Variants in CALU observed in about 807,000 individuals in gnomAD.
CALU encodes the protein calumenin.
A neutral mutation model predicts 37.5 loss-of-function variants in CALU; 13 were observed. The observed-to-expected ratio is 0.35, with a 90% confidence interval of 0.23 to 0.55. CALU has a LOEUF of 0.55. Among genes scored for constraint, CALU ranks in the 20% least tolerant of loss-of-function variants. The pLI is 0.89. For synonymous variants in CALU, 114 were observed against 133.8 expected (o/e 0.85, Z 1.02); for missense variants, 282 against 391.7 (o/e 0.72, Z 2.36).
intron 1 of CALU, chr7:128,747,968 A>C (rs1382437519): frequency 5.6e-6 from 1 of 177,450 alleles, no homozygotes; most frequent in Non-Finnish European, 1.2e-5. Context: ...TTTGAAGGTG[A>C]CTCAAGGTTG....
intron 5 of CALU, chr7:128,761,408 G>A (rs1394905730): frequency 6.6e-6 from 1 of 152,176 alleles, no homozygotes; most frequent in Non-Finnish European, 1.5e-5. Context: ...CAAGAGTCTG[G>A]ACTATAGTCA....
At chr7:128,768,415 A>G (rs1801413212) in intron 6 of CALU, among the ~76,000 whole-genome samples, 1 of 152,204 alleles carries the variant, frequency 6.6e-6, no homozygotes, top group South Asian at 2.1e-4. Context: ...AGTCATCCCT[A>G]TCTAGGAGAT....
chr7:128,753,688 AAAT>A (rs1369422442), intron 2 of CALU, among the ~76,000 whole-genome samples: 2 of 152,216 alleles, frequency 1.3e-5, no homozygotes, highest in Admixed American at 6.5e-5. Flanking sequence ...TGTTTTTTAA[AAAT>A]AATCTTGCCT....
At position 128,772,211 on chromosome 7, in the gene CALU, A is replaced by G. The variant is rs1362207663; in HGVS notation, c.*3044A>G. Among the ~76,000 whole-genome samples the G allele has an allele frequency of 6.6e-6, 1 of 151,956 alleles. No individual in the cohort carries two copies. Among genetic ancestry groups the G allele is most frequent in the Non-Finnish European group, 1.5e-5 (1 of 68,014 alleles). On this transcript the variant is annotated 3_prime_UTR_variant, in exon 7 of 7. Coordinates refer to ENST00000249364, the MANE Select transcript of CALU (RefSeq NM_001219.5). ...AAAGTTACTAAAAAGGAAAGTATCC[A>G]TACACTGAAAACTTAAAGCATATTC...
At position 128,773,273 on chromosome 7, in the gene CALU, T is replaced by G. The variant is rs566770860; in HGVS notation, c.*4106T>G. ...TGAAAATTGAGAGGAATCTGAGTTTTTATTTTTATTTTTTTAATTTTATTT... is the reference window on the plus strand; with the variant it reads ...TGAAAATTGAGAGGAATCTGAGTTTGTATTTTTATTTTTTTAATTTTATTT... On this transcript the variant is annotated 3_prime_UTR_variant, in exon 7 of 7. Transcript: ENST00000249364. Among the ~76,000 whole-genome samples, 2 of 152,354 alleles carry G rather than the reference T, an allele frequency of 1.3e-5. No homozygotes were observed. Among genetic ancestry groups the G allele is most frequent in the African/African-American group, 4.8e-5 (2 of 41,582 alleles).
At position 128,771,076 on chromosome 7, in the gene CALU, TAAG is replaced by T. The variant is rs1399504412; in HGVS notation, c.*1914_*1916del. 2 of 152,606 alleles carry T rather than the reference TAAG, an allele frequency of 1.3e-5. No homozygotes were observed. Among genetic ancestry groups the T allele is most frequent in the African/African-American group, 2.4e-5 (1 of 41,450 alleles). The allele number at this position is 152,606 out of a possible 1,614,324, so 9.5% of individuals were successfully genotyped here. The stretch of plus-strand genomic sequence containing the variant: ...CCTCTGGGTTCCCCATTTTTACTAT[TAAG>T]AAGACCAGTGATAATTTAATAATGC... On this transcript the variant is annotated 3_prime_UTR_variant, in exon 7 of 7. Transcript: ENST00000249364.
chr7:128,744,156 A>G (rs991289583), intron 1 of CALU, among the ~76,000 whole-genome samples: 21 of 152,198 alleles, frequency 1.4e-4, no homozygotes, highest in Admixed American at 1.1e-3. Flanking sequence ...CAGTGAGCCA[A>G]GATCACACCA....
intron 2 of CALU, among the ~76,000 whole-genome samples, chr7:128,749,161 C>G (rs1040160977): frequency 4.6e-5 from 7 of 152,220 alleles, no homozygotes; most frequent in Non-Finnish European, 1.0e-4. Context: ...TATCTGTGCC[C>G]TACTGACCTG....
rs1801578067 is a variant in CALU at position 128,771,866 on chromosome 7, A to C, written c.*2699A>C. On this transcript the variant is annotated 3_prime_UTR_variant, in exon 7 of 7. Coordinates refer to ENST00000249364, the MANE Select transcript of CALU (RefSeq NM_001219.5). ...ATGCAAATTCATTTTGAGAACCTCGAGAGAATTAAACTATTAACTTTAGTA... is the reference window on the plus strand; with the variant it reads ...ATGCAAATTCATTTTGAGAACCTCGCGAGAATTAAACTATTAACTTTAGTA... 6.6e-6 allele frequency: 1 copy of C among 152,408 alleles called. No individual in the cohort carries two copies. Among genetic ancestry groups the C allele is most frequent in the South Asian group, 2.1e-4 (1 of 4,840 alleles). 9.4% of individuals were successfully genotyped at this position (152,408 alleles called of 1,614,324 possible). A position where few individuals can be genotyped will look rare whatever the true frequency, so the allele number is the denominator to read the frequency against.
chr7:128,758,943 C>T lies in CALU; in HGVS notation c.488C>T (p.Ala163Val). 6.2e-7 allele frequency: 1 copy of T among 1,613,196 alleles called. No individual in the cohort carries two copies. Among genetic ancestry groups the T allele is most frequent in the Non-Finnish European group, 8.5e-7 (1 of 1,179,192 alleles). The change falls in exon 4 of 7, where the codon GCA (alanine) becomes GTA (valine). Residue 163 changes from alanine to valine, a missense_variant. Transcript: ENST00000249364. Reference sequence around the variant, plus strand: ...AGAGATGAGCGGAGGTTTAAAATGGCAGACAAGGATGGAGACCTCATTGCC... The same window carrying T: ...AGAGATGAGCGGAGGTTTAAAATGGTAGACAAGGATGGAGACCTCATTGCC... Reference protein sequence around the residue: ...MVRDERRFKMADKDGDLIATK... With the variant: ...MVRDERRFKMVDKDGDLIATK...
intron 1 of CALU, among the ~76,000 whole-genome samples, chr7:128,740,034 C>T (rs1009986145): frequency 6.6e-6 from 1 of 152,230 alleles, no homozygotes; most frequent in Non-Finnish European, 1.5e-5. Flanking sequence ...CTACGTACTT[C>T]AGTTAGCGAC....
chr7:128,746,481 A>G (rs1479416414), intron 1 of CALU, among the ~76,000 whole-genome samples: 1 of 150,866 alleles, frequency 6.6e-6, no homozygotes, highest in Non-Finnish European at 1.5e-5. Flanking sequence ...TTTTTGAGAT[A>G]GGATCTCTGT....
At chr7:128,743,138 T>C (rs1192016072) in intron 1 of CALU, among the ~76,000 whole-genome samples, 1 of 152,000 alleles carries the variant, frequency 6.6e-6, no homozygotes, top group African/African-American at 2.4e-5. Flanking sequence ...GCTACTGTAC[T>C]GGGCAGTACA....
chr7:128,743,671 C>T (rs1272408450), intron 1 of CALU, among the ~76,000 whole-genome samples: 1 of 152,018 alleles, frequency 6.6e-6, no homozygotes, highest in Non-Finnish European at 1.5e-5. Context: ...TATAGCTGCG[C>T]CACCACACCC....
At chr7:128,743,963 T>C (rs1800335433) in intron 1 of CALU, among the ~76,000 whole-genome samples, 1 of 152,176 alleles carries the variant, frequency 6.6e-6, no homozygotes, top group Non-Finnish European at 1.5e-5. Flanking sequence ...CCCGACACTT[T>C]GGGAGGCCGA....
chr7:128,768,557 G>A (rs768543149), intron 6 of CALU, among the ~76,000 whole-genome samples: 38 of 152,028 alleles, frequency 2.5e-4, no homozygotes. Flanking sequence ...ATGTTTAATT[G>A]GCCTGGCACG....
At position 128,748,653 on chromosome 7, in the gene CALU, A is replaced by G. The variant is rs1182433917; in HGVS notation, c.70A>G (p.Lys24Glu). 6.2e-7 allele frequency: 1 copy of G among 1,614,224 alleles called. No individual in the cohort carries two copies. Among genetic ancestry groups the G allele is most frequent in the Non-Finnish European group, 8.5e-7 (1 of 1,180,042 alleles). Residue 24 changes from lysine to glutamate, a missense_variant, in exon 2 of 7, where the codon AAG becomes GAG. Lys to Glu is a moderately conservative substitution (Grantham distance 56, BLOSUM62 1). Transcript: ENST00000249364. ...TAFALSKPTE[K>E]KDRVHHEPQL... is the part of the protein sequence containing the mutation. Reference sequence around the variant, plus strand: ...CTTTGCCTTGAGCAAACCCACAGAAAAGAAGGACCGTGTACATCATGAGCC... The same window carrying G: ...CTTTGCCTTGAGCAAACCCACAGAAGAGAAGGACCGTGTACATCATGAGCC...
At chr7:128,742,977 G>A (rs1400462605) in intron 1 of CALU, among the ~76,000 whole-genome samples, 2 of 152,096 alleles carry the variant, frequency 1.3e-5, no homozygotes, top group Non-Finnish European at 2.9e-5. Flanking sequence ...AAATTTTCAG[G>A]TGAAAATCTA....
At chr7:128,768,859 A>AAAAAAAAAAAAAAAAAAAAAAC (rs1562883618) in intron 6 of CALU, among the ~76,000 whole-genome samples, 3 of 150,194 alleles carry the variant, frequency 2.0e-5, no homozygotes, top group African/African-American at 7.4e-5. Flanking sequence ...AAAAAAAAAA[A>AAAAAAAAAAAAAAAAAAAAAAC]AAAAAAAAAC....
Sources: gnomAD v4.1 joint callset for allele counts (sites outside exome capture counted in the v4.1 genomes callset) on GRCh38, gnomAD v4.1.1 for gene constraint, MANE v1.5 for transcripts, NCBI Gene and HGNC (gene_info 2026-07-23, HGNC 2026-07-21) for gene names.